The following STK10 variants were observed in gnomAD, a reference collection of about 807,000 sequenced individuals.
STK10 encodes serine/threonine-protein kinase 10.
A neutral mutation model predicts 113.8 loss-of-function variants in STK10; 78 were observed. That is an observed-to-expected ratio of 0.69 (90% CI 0.57 to 0.83). The LOEUF is 0.83. Ranked by LOEUF, STK10 falls within the 40% of genes least tolerant of loss-of-function variation. The probability of loss-of-function intolerance (pLI) is 0.00; values close to 1 mark genes in which losing one functional copy is unlikely to be tolerated. For synonymous variants in STK10, 465 were observed against 494.7 expected (o/e 0.94, Z 0.80); for missense variants, 1,109 against 1,280.1 (o/e 0.87, Z 2.04).
At chr5:172,142,209 G>C (rs1424148581) in intron 2 of STK10, among the ~76,000 whole-genome samples, 1 of 152,168 alleles carries the variant, frequency 6.6e-6, no homozygotes, top group African/African-American at 2.4e-5. Context: ...TGTCCACTTA[G>C]AGTTGCCGTG....
intron 3 of STK10, among the ~76,000 whole-genome samples, chr5:172,122,393 T>C (rs767847655): frequency 4.6e-5 from 7 of 152,192 alleles, no homozygotes; most frequent in Non-Finnish European, 1.0e-4. Context: ...TTGTTTTCTG[T>C]GCCTATAGTC....
In STK10 at chr5:172,117,601, TCTGG is replaced by T. The variant is rs1347115901; in HGVS notation, c.396_399del (p.Gln133TyrfsTer9). The T allele has an allele frequency of 6.2e-7, 1 of 1,614,000 alleles. No individual in the cohort carries two copies. Among genetic ancestry groups the T allele is most frequent in the African/African-American group, 1.3e-5 (1 of 75,000 alleles). The stretch of plus-strand genomic sequence containing the variant: ...AGCATCTGGCGGCAAACCACCTGTA[TCTGG>T]GGCTCCGTGAGGCCTCTGTCCAGCT... On this transcript the variant is annotated frameshift_variant, in exon 4 of 19. Transcript: ENST00000176763. LOFTEE classifies it high-confidence loss of function.
intron 2 of STK10, among the ~76,000 whole-genome samples, chr5:172,129,209 G>A (rs1295164703): frequency 1.3e-5 from 2 of 152,162 alleles, no homozygotes; most frequent in African/African-American, 4.8e-5. Flanking sequence ...ATAAAACAGG[G>A]GACTTTAACG....
intron 2 of STK10, among the ~76,000 whole-genome samples, chr5:172,128,183 C>T (rs1194944008): frequency 2.9e-5 from 4 of 139,690 alleles, no homozygotes; most frequent in Non-Finnish European, 6.0e-5. Context: ...CGCTGCACTC[C>T]AGCCTGGGCA....
intron 5 of STK10, 46 bp downstream of exon 5, chr5:172,107,734 G>GT (rs747686918): frequency 6.3e-7 from 1 of 1,597,860 alleles, no homozygotes; most frequent in Non-Finnish European, 8.6e-7. Flanking sequence ...ACCTTGGAGA[G>GT]TTTTTACATC....
Position 172,187,667 on chromosome 5 carries a change from G to A in STK10, c.156+220C>T, listed in dbSNP as rs1770979013. ...CCGAAACAGGGCTAGGGTGGGGGCG[G>A]CAACCGTGCCCGGAGGGGGCGCCCA... is the stretch of plus-strand genomic sequence containing the variant. On this transcript the variant is annotated intron_variant, in intron 1 of 18. Coordinates refer to ENST00000176763, the MANE Select transcript of STK10 (RefSeq NM_005990.4). This position sits in a 1 kb window ranked among gnomAD's most constrained non-coding sequence, Gnocchi z 4.6. Among the ~76,000 whole-genome samples, 1 of 152,188 alleles carries A rather than the reference G, an allele frequency of 6.6e-6. No individual in the cohort carries two copies. The highest frequency in any genetic ancestry group is 6.5e-5 in the Admixed American group (1 of 15,284).
At chr5:172,151,709 C>T (rs1581180389) in intron 2 of STK10, among the ~76,000 whole-genome samples, 2 of 152,336 alleles carry the variant, frequency 1.3e-5, no homozygotes, top group East Asian at 3.9e-4. Context: ...TGTTAGTTGT[C>T]TCCCACATGT....
intron 1 of STK10, among the ~76,000 whole-genome samples, chr5:172,172,292 C>T (rs556687545): frequency 1.8e-4 from 27 of 152,328 alleles, no homozygotes; most frequent in Non-Finnish European, 3.5e-4. Context: ...AGTGACGGGA[C>T]CCTCCTCTAT....
chr5:172,162,055 T>C (rs553866266), intron 1 of STK10, among the ~76,000 whole-genome samples: 159 of 152,254 alleles, frequency 1.0e-3, no homozygotes, highest in African/African-American at 3.7e-3. Flanking sequence ...TGAAAGCTTG[T>C]TTAGGCCGGG....
At chr5:172,078,780 C>CA (rs1561797987) in intron 12 of STK10, among the ~76,000 whole-genome samples, 1 of 96,596 alleles carries the variant, frequency 1.0e-5, no homozygotes, top group Non-Finnish European at 2.1e-5. Flanking sequence ...CGCTCTGCCT[C>CA]GTTCAGAGGC....
At chr5:172,100,050 G>C (rs1423097109) in intron 7 of STK10, among the ~76,000 whole-genome samples, 1 of 152,192 alleles carries the variant, frequency 6.6e-6, no homozygotes, top group African/African-American at 2.4e-5. Context: ...TGGCACACAG[G>C]GCCACCCGTC....
intron 7 of STK10, among the ~76,000 whole-genome samples, chr5:172,101,142 A>T (rs1768980739): frequency 6.6e-6 from 1 of 152,170 alleles, no homozygotes; most frequent in Admixed American, 6.5e-5. Context: ...ACCTGGCATG[A>T]ACAAAGGGTT....
Position 172,105,754 on chromosome 5 carries a change from C to T in STK10, c.789-17G>A. On this transcript the variant is annotated splice_polypyrimidine_tract_variant and intron_variant, in intron 6 of 18. Transcript: ENST00000176763. ...TCTACAGACCTGGGAGGACAGGCGT[C>T]AGAGGTAAGCATGGAGGAGGCAAGA... is the stretch of plus-strand genomic sequence containing the variant. 6.2e-7 allele frequency: 1 copy of T among 1,612,842 alleles called. No individual in the cohort carries two copies. Among genetic ancestry groups the T allele is most frequent in the South Asian group, 1.1e-5 (1 of 91,060 alleles).
intron 14 of STK10, 145 bp from the exon 15 acceptor site, chr5:172,057,618 A>C: frequency 5.9e-5 from 78 of 1,332,040 alleles, no homozygotes; most frequent in East Asian, 3.1e-4. Flanking sequence ...GTTCTACCTC[A>C]TTAGACCATG....
At chr5:172,063,457 G>T (rs1004504412) in intron 13 of STK10, 1 of 152,114 alleles carries the variant, frequency 6.6e-6, no homozygotes, top group Admixed American at 6.6e-5. Flanking sequence ...CTAAGTATTT[G>T]TGAACCTCTG....
chr5:172,117,551 G>C lies in STK10; in HGVS notation c.450C>G (p.Ser150Arg), dbSNP rs1163897237. ...TCAGATCTCGGTGGATGATCCTCTT[G>C]CTGTGCAGGAAGTTGAGGGCTTCTA... ...QMLEALNFLH[S>R]KRIIHRDLKA... The change falls in exon 4 of 19, where the codon AGC becomes AGG. Residue 150 changes from serine (S) to arginine (R), a missense_variant. Transcript: ENST00000176763. 1 of 1,612,404 alleles carries C rather than the reference G, an allele frequency of 6.2e-7. No homozygotes were observed. The highest frequency in any genetic ancestry group is 1.3e-5 in the African/African-American group (1 of 74,458).
chr5:172,117,374 AC>A (rs1447670604), intron 4 of STK10, 106 bp downstream of exon 4: 5 of 1,361,310 alleles, frequency 3.7e-6, no homozygotes, highest in East Asian at 2.4e-5. Flanking sequence ...AGGCGTGAGG[AC>A]CCCACACCCC....
rs58823824 is a variant in STK10 at position 172,078,619 on chromosome 5, TAAAAAAAAAA to T, written c.1989+3697_1989+3706del. On this transcript the variant is annotated intron_variant, in intron 12 of 18. Transcript: ENST00000176763. The stretch of plus-strand genomic sequence containing the variant: ...TGCCACTGCATTCCAGCCTCATCAT[TAAAAAAAAAA>T]AAAAAAAAAAAAAAAAAAAAGCCAA... 1.9e-4 allele frequency among the ~76,000 whole-genome samples: 14 copies of T among 72,878 alleles called. No homozygotes were observed. In the East Asian group the frequency reaches 5.0e-3, roughly 26 times the overall value. The allele number at this position is 72,878 out of a possible 152,430, so 47.8% of individuals were successfully genotyped here.
chr5:172,146,612 G>C (rs1032914419), intron 2 of STK10, among the ~76,000 whole-genome samples: 3 of 152,210 alleles, frequency 2.0e-5, no homozygotes, highest in Non-Finnish European at 4.4e-5. Context: ...ATGTACCTAT[G>C]TAGAGGGGCA....
Sources: gnomAD v4.1 joint callset for allele counts (sites outside exome capture counted in the v4.1 genomes callset) on GRCh38, gnomAD v4.1.1 for gene constraint, Gnocchi (gnomAD v3.1) non-coding constraint, MANE v1.5 for transcripts, NCBI Gene and HGNC (gene_info 2026-07-23, HGNC 2026-07-21) for gene names.